PTPRO: variants seen among roughly 807,000 people sequenced by gnomAD.
The protein encoded by PTPRO is protein tyrosine phosphatase receptor type O, also known as receptor-type tyrosine-protein phosphatase O.
A neutral mutation model predicts 145.2 loss-of-function variants in PTPRO; 62 were observed. That is an observed-to-expected ratio of 0.43 (90% CI 0.35 to 0.53). The LOEUF is 0.53. Ranked by LOEUF, PTPRO falls within the 20% of genes least tolerant of loss-of-function variation. The pLI, the probability that PTPRO is intolerant of heterozygous loss-of-function variation, is 0.01. For synonymous variants in PTPRO, 565 were observed against 514.7 expected (o/e 1.10, Z -1.32); for missense variants, 1,345 against 1,482.7 (o/e 0.91, Z 1.53).
At chr12:15,522,003 C>G (rs1278308081) in intron 10 of PTPRO, among the ~76,000 whole-genome samples, 1 of 152,054 alleles carries the variant, frequency 6.6e-6, no homozygotes, top group Non-Finnish European at 1.5e-5. Flanking sequence ...TTTCCTGGGT[C>G]AAATAAATAA....
At chr12:15,351,238 G>C (rs1291663624) in intron 1 of PTPRO, among the ~76,000 whole-genome samples, 1 of 152,116 alleles carries the variant, frequency 6.6e-6, no homozygotes. Flanking sequence ...TTTTACACAC[G>C]TAAAATTATT....
At chr12:15,529,290 A>T (rs1037286851) in intron 12 of PTPRO, among the ~76,000 whole-genome samples, 4 of 152,152 alleles carry the variant, frequency 2.6e-5, no homozygotes, top group African/African-American at 9.6e-5. Flanking sequence ...TTAAATTTTT[A>T]GGTGTGGTAG....
chr12:15,474,141 A>G (rs1177278839), intron 1 of PTPRO, among the ~76,000 whole-genome samples: 3 of 152,226 alleles, frequency 2.0e-5, no homozygotes, highest in Non-Finnish European at 2.9e-5. Context: ...GAAAAAACAT[A>G]TATAAACAAA....
intron 12 of PTPRO, among the ~76,000 whole-genome samples, chr12:15,539,454 T>G (rs1943133593): frequency 6.6e-6 from 1 of 152,026 alleles, no homozygotes; most frequent in Non-Finnish European, 1.5e-5. Context: ...ACTTGCTATC[T>G]CTAAGCCTTA....
At chr12:15,361,137 T>C (rs1211889441) in intron 1 of PTPRO, among the ~76,000 whole-genome samples, 2 of 151,772 alleles carry the variant, frequency 1.3e-5, no homozygotes, top group Non-Finnish European at 2.9e-5. Context: ...AATCACTTGC[T>C]GCAGAAATTC....
At chr12:15,536,931 C>T (rs902055088) in intron 12 of PTPRO, among the ~76,000 whole-genome samples, 1 of 152,052 alleles carries the variant, frequency 6.6e-6, no homozygotes, top group Non-Finnish European at 1.5e-5. Flanking sequence ...GCCACAGAGG[C>T]GATGAAAAGT....
intron 1 of PTPRO, among the ~76,000 whole-genome samples, chr12:15,441,048 C>A (rs1940751376): frequency 6.6e-6 from 1 of 152,176 alleles, no homozygotes; most frequent in Admixed American, 6.5e-5. Context: ...AACCCACAAA[C>A]CACAGAGTAT....
Position 15,540,769 on chromosome 12 carries a change from C to A in PTPRO, c.2165-5800C>A, listed in dbSNP as rs139552102. Among the ~76,000 whole-genome samples, 761 of 152,328 alleles carry A rather than the reference C, an allele frequency of 5.0e-3. 5 individuals are homozygous for A. Among genetic ancestry groups the A allele is most frequent in the African/African-American group, 0.017 (725 of 41,576 alleles). On this transcript the variant is annotated intron_variant, in intron 12 of 26. Coordinates refer to ENST00000281171, the MANE Select transcript of PTPRO (RefSeq NM_030667.3). ...CTTCAGGAAGGTCACTTTCACTCCC[C>A]AGAGATCCTAGGCAACAGCTTGAGC...
chr12:15,423,966 C>T lies in PTPRO; in HGVS notation c.76-60008C>T, dbSNP rs78096604. 4.8e-3 allele frequency among the ~76,000 whole-genome samples: 727 copies of T among 152,270 alleles called. 7 individuals carry two copies. Among genetic ancestry groups the T allele is most frequent in the African/African-American group, 0.017 (706 of 41,554 alleles). On this transcript the variant is annotated intron_variant, in intron 1 of 26. Transcript: ENST00000281171. Reference sequence around the variant, plus strand: ...TTAAGGGCACAAGTTAGAGGAGAGTCTGGTCATCAAAATAAAATTCGTTAG... The same window carrying T: ...TTAAGGGCACAAGTTAGAGGAGAGTTTGGTCATCAAAATAAAATTCGTTAG...
At chr12:15,524,731 C>G (rs527981221) in intron 10 of PTPRO, 83 bp from the exon 11 acceptor site, 70 of 1,442,060 alleles carry the variant, frequency 4.9e-5, no homozygotes, top group Non-Finnish European at 5.1e-5. Flanking sequence ...TAAGTTGACT[C>G]TATATGGGAT....
chr12:15,541,831 G>C (rs2135540765), intron 12 of PTPRO, among the ~76,000 whole-genome samples: 1 of 152,224 alleles, frequency 6.6e-6, no homozygotes, highest in East Asian at 1.9e-4. Flanking sequence ...GGCCAACATG[G>C]TGAAACCCCG....
intron 1 of PTPRO, among the ~76,000 whole-genome samples, chr12:15,468,238 A>T (rs1370191235): frequency 6.6e-6 from 1 of 152,176 alleles, no homozygotes; most frequent in Non-Finnish European, 1.5e-5. Flanking sequence ...CCCAATAGGA[A>T]TTCTGGAGCC....
chr12:15,513,292 G>A (rs1942507491), intron 7 of PTPRO, among the ~76,000 whole-genome samples: 1 of 151,482 alleles, frequency 6.6e-6, no homozygotes, highest in African/African-American at 2.4e-5. Flanking sequence ...GGGAAGGAAG[G>A]AAGGAAGGAA....
chr12:15,372,544 TA>T (rs1302558400), intron 1 of PTPRO, among the ~76,000 whole-genome samples: 7 of 152,258 alleles, frequency 4.6e-5, no homozygotes, highest in Admixed American at 4.6e-4. Context: ...CTTCTCTAAT[TA>T]AAACCACTAT....
At chr12:15,368,364 A>C (rs1938426713) in intron 1 of PTPRO, among the ~76,000 whole-genome samples, 1 of 152,270 alleles carries the variant, frequency 6.6e-6, no homozygotes, top group Admixed American at 6.5e-5. Context: ...GTGTAATTAA[A>C]CCATCTCCAT....
At chr12:15,341,914 G>T (rs537185254) in intron 1 of PTPRO, among the ~76,000 whole-genome samples, 1 of 152,228 alleles carries the variant, frequency 6.6e-6, no homozygotes, top group South Asian at 2.1e-4. Flanking sequence ...CCTCTACCTC[G>T]CAGGATTACT....
chr12:15,474,803 G>C (rs774309304), intron 1 of PTPRO, among the ~76,000 whole-genome samples: 1 of 152,116 alleles, frequency 6.6e-6, no homozygotes, highest in African/African-American at 2.4e-5. Flanking sequence ...TGCCTGCAGC[G>C]TACACTCAGA....
intron 1 of PTPRO, among the ~76,000 whole-genome samples, chr12:15,416,143 A>G (rs374091734): frequency 6.6e-6 from 1 of 151,660 alleles, no homozygotes; most frequent in East Asian, 1.9e-4. Context: ...TATTCATTAA[A>G]TAAATTTTGT....
At chr12:15,546,461 C>G (rs1943290896) in intron 12 of PTPRO, 108 bp from the exon 13 acceptor site, 1 of 1,529,458 alleles carries the variant, frequency 6.5e-7, no homozygotes, top group Non-Finnish European at 8.8e-7. Flanking sequence ...TTATGGTGCT[C>G]TTACCTACCT....
Sources: gnomAD v4.1 joint callset for allele counts (sites outside exome capture counted in the v4.1 genomes callset) on GRCh38, gnomAD v4.1.1 for gene constraint, MANE v1.5 for transcripts, NCBI Gene and HGNC (gene_info 2026-07-23, HGNC 2026-07-21) for gene names.